Variants in THG1L observed in about 807,000 individuals in gnomAD.
THG1L encodes the protein tRNA-histidine guanylyltransferase 1 like.
In THG1L, 27 loss-of-function variants were observed where a neutral mutation model predicts 35.2. The ratio of observed to expected loss-of-function variants is 0.77; its 90% CI spans 0.57 to 1.06. THG1L has a LOEUF of 1.06. Among genes scored for constraint, THG1L ranks in the 50% least tolerant of loss-of-function variants. The probability of loss-of-function intolerance (pLI) is 0.00; values close to 1 mark genes in which losing one functional copy is unlikely to be tolerated. For synonymous variants in THG1L, 135 were observed against 132.4 expected (o/e 1.02, Z -0.14); for missense variants, 377 against 371.8 (o/e 1.01, Z -0.12).
rs780603396 is a variant in THG1L, at chr5:157,738,034, A to G, written c.735+40A>G. On this transcript the variant is annotated intron_variant, in intron 5 of 5. Transcript: ENST00000231198. ...TTCAAAGAAAAATGGAAGTCAGGAAAAAAGATAGCCTGTGCCCATTCCAAG... is the reference window on the plus strand; with the variant it reads ...TTCAAAGAAAAATGGAAGTCAGGAAGAAAGATAGCCTGTGCCCATTCCAAG... 2.4e-5 allele frequency: 36 copies of G among 1,526,078 alleles called. No homozygotes were observed. In the East Asian group the frequency reaches 8.2e-4, roughly 35 times the overall value. 94.5% of individuals were successfully genotyped at this position (1,526,078 alleles called of 1,614,324 possible).
intron 3 of THG1L, among the ~76,000 whole-genome samples, chr5:157,735,039 G>A (rs1293649990): frequency 2.0e-5 from 3 of 151,878 alleles, no homozygotes; most frequent in African/African-American, 7.3e-5. Context: ...CTGGGTTCAT[G>A]GGATTCTTCT....
At chr5:157,733,919 C>A (rs1760797771) in intron 2 of THG1L, among the ~76,000 whole-genome samples, 1 of 152,092 alleles carries the variant, frequency 6.6e-6, no homozygotes, top group Admixed American at 6.6e-5. Flanking sequence ...CAGCAGTGAG[C>A]TATGATTGTG....
chr5:157,734,667 C>G lies in THG1L; in HGVS notation c.460C>G (p.Pro154Ala), dbSNP rs1213147253. Residue 154 changes from proline to alanine, a missense_variant, in exon 3 of 6, where the codon CCA (proline) becomes GCA (alanine). Physicochemically the swap from Pro to Ala is conservative, Grantham distance 27. Coordinates refer to ENST00000231198, the MANE Select transcript of THG1L (RefSeq NM_017872.5). Reference sequence around the variant, plus strand: ...TGAGGACCAGCCCCTTCTGTATCCCCCAGGCTTTGACGGAAGAGTCGTGGT... The same window carrying G: ...TGAGGACCAGCCCCTTCTGTATCCCGCAGGCTTTGACGGAAGAGTCGTGGT... ...YFEDQPLLYP[P>A]GFDGRVVVYP... is the part of the protein sequence containing the mutation. 6.2e-7 allele frequency: 1 copy of G among 1,614,174 alleles called. No individual in the cohort carries two copies. Among genetic ancestry groups the G allele is most frequent in the East Asian group, 2.2e-5 (1 of 44,874 alleles).
chr5:157,732,569 T>C (rs1760757126), intron 1 of THG1L, among the ~76,000 whole-genome samples: 1 of 152,206 alleles, frequency 6.6e-6, no homozygotes, highest in South Asian at 2.1e-4. Flanking sequence ...AGGAGCTAGG[T>C]ATGATTACTT....
chr5:157,737,501 T>G (rs1478715406), intron 4 of THG1L, among the ~76,000 whole-genome samples: 1 of 151,846 alleles, frequency 6.6e-6, no homozygotes, highest in East Asian at 1.9e-4. Flanking sequence ...AAAGGCATAC[T>G]GGTAGGTATA....
rs1428133640 is a variant in THG1L, at chr5:157,741,153, C to T, written c.*1671C>T. ...CCTGGTAGGTGGAGGTTGCAGTGAG[C>T]TGAAATCATGCCACTGCACTCCAGC... On this transcript the variant is annotated 3_prime_UTR_variant, in exon 6 of 6. Transcript: ENST00000231198. The T allele has an allele frequency of 6.6e-6, 1 of 152,070 alleles. No homozygotes were observed. The highest frequency in any genetic ancestry group is 1.5e-5 in the Non-Finnish European group (1 of 68,052). The allele number at this position is 152,070 out of a possible 1,614,324, so 9.4% of individuals were successfully genotyped here. A position where few individuals can be genotyped will look rare whatever the true frequency, so the allele number is the denominator to read the frequency against.
In THG1L at chr5:157,731,610, T is replaced by C. The variant is rs1200822019; in HGVS notation, c.170T>C (p.Leu57Pro). 9 of 1,597,000 alleles carry C rather than the reference T, an allele frequency of 5.6e-6. No homozygotes were observed. Among genetic ancestry groups the C allele is most frequent in the African/African-American group, 1.3e-5 (1 of 74,178 alleles). ...GCACACTGCTGGGTGGTAGTGCGGC[T>C]GGACGGCCGGAATTTCCATCGGTGA... Reference protein sequence around the residue: ...CLAHCWVVVRLDGRNFHRFAE... With the variant: ...CLAHCWVVVRPDGRNFHRFAE... The change falls in exon 1 of 6, where the codon CTG becomes CCG. Residue 57 changes from leucine (L) to proline (P), a missense_variant. Leu to Pro is a moderately conservative substitution (Grantham distance 98). Transcript: ENST00000231198.
rs145864613 is a variant in THG1L, at chr5:157,735,928, A to G, written c.621A>G (p.Arg207=). 6.6e-4 allele frequency: 1,057 copies of G among 1,593,202 alleles called. 4 individuals are homozygous for G. The highest frequency in any genetic ancestry group is 8.4e-4 in the Non-Finnish European group (981 of 1,168,224). The change falls in exon 4 of 6, where the codon AGA becomes AGG. Residue 207 remains arginine (R), a synonymous_variant. Transcript: ENST00000231198. ...TAACACCAGTACAAGCCCAAGGGAG[A>G]TTACAGGTATAAAGATCTTACTACA... ...SGLTPVQAQG[R]LQGTLAADKN... is the part of the protein sequence containing the mutation.
intron 4 of THG1L, among the ~76,000 whole-genome samples, chr5:157,737,114 C>T (rs1329624930): frequency 6.6e-6 from 1 of 151,454 alleles, no homozygotes; most frequent in East Asian, 2.0e-4. Flanking sequence ...GTTACTAATA[C>T]AATGCCTGGT....
At chr5:157,737,779 C>A in intron 4 of THG1L, 108 bp from the exon 5 acceptor site, 1 of 760,362 alleles carries the variant, frequency 1.3e-6, no homozygotes, top group South Asian at 1.8e-5. Flanking sequence ...TTGATAAAAT[C>A]CTTCCACTTC....
rs766636137 is a variant in THG1L, at chr5:157,732,913, T to C, written c.237T>C (p.Ala79=). ...HNFAKPNDSR[A]LQLMTKCAQT... is the part of the protein sequence containing the mutation. ...TTGCAAAACCCAATGACAGCCGTGCTCTCCAGCTGATGACCAAATGTGCGC... is the reference window on the plus strand; with the variant it reads ...TTGCAAAACCCAATGACAGCCGTGCCCTCCAGCTGATGACCAAATGTGCGC... Residue 79 remains alanine, a synonymous_variant, in exon 2 of 6, where the codon GCT becomes GCC. Transcript: ENST00000231198. The C allele has an allele frequency of 5.0e-6, 8 of 1,614,080 alleles. No homozygotes were observed. Among genetic ancestry groups the C allele is most frequent in the Non-Finnish European group, 5.1e-6 (6 of 1,180,048 alleles).
intron 5 of THG1L, 25 bp from the exon 6 acceptor site, chr5:157,739,296 G>A: frequency 6.2e-7 from 1 of 1,607,690 alleles, no homozygotes; most frequent in Non-Finnish European, 8.5e-7. Flanking sequence ...ACTTAACAAT[G>A]TCACTACTTT....
At position 157,739,363 on chromosome 5, in the gene THG1L, A is replaced by G. The variant is rs769566035; in HGVS notation, c.778A>G (p.Met260Val). ...AAAAGAAATTAAGCTGCCAACAGAA[A>G]TGGAAGGAAAAAAGATGGCAGTGAC... ...MTKEIKLPTE[M>V]EGKKMAVTRT... Residue 260 changes from methionine to valine, a missense_variant, in exon 6 of 6, where the codon ATG becomes GTG. Transcript: ENST00000231198. 13 of 1,613,772 alleles carry G rather than the reference A, an allele frequency of 8.1e-6. 1 individual carries two copies. The South Asian group carries it at 1.4e-4, about 18-fold the overall frequency.
intron 3 of THG1L, among the ~76,000 whole-genome samples, chr5:157,735,156 T>G (rs191045806): frequency 2.0e-5 from 3 of 152,322 alleles, no homozygotes; most frequent in Non-Finnish European, 4.4e-5. Flanking sequence ...CAGGCTGGTC[T>G]TGAACTCCTG....
At position 157,737,869 on chromosome 5, in the gene THG1L, CTA is replaced by C; in HGVS notation, c.628-16_628-15del. 1.3e-6 allele frequency: 2 copies of C among 1,596,406 alleles called. No homozygotes were observed. Among genetic ancestry groups the C allele is most frequent in the East Asian group, 2.2e-5 (1 of 44,652 alleles). The stretch of plus-strand genomic sequence containing the variant: ...AGAAGACATGCAGAGCTTTTAATAT[CTA>C]TTTTTATTTTCTCAGGGAACTCTTG... On this transcript the variant is annotated splice_polypyrimidine_tract_variant and intron_variant, in intron 4 of 5. Transcript: ENST00000231198.
intron 5 of THG1L, among the ~76,000 whole-genome samples, chr5:157,738,912 C>T (rs182933864): frequency 6.6e-5 from 10 of 151,098 alleles, no homozygotes; most frequent in Admixed American, 4.6e-4. Context: ...GCAACCTCCC[C>T]GTCCTGGGTT....
In THG1L at chr5:157,741,316, A is replaced by G. The variant is rs1424754433; in HGVS notation, c.*1834A>G. The G allele has an allele frequency of 2.0e-5, 3 of 152,258 alleles. No homozygotes were observed. The highest frequency in any genetic ancestry group is 2.1e-4 in the South Asian group (1 of 4,820). 9.4% of individuals were successfully genotyped at this position (152,258 alleles called of 1,614,324 possible). A position where few individuals can be genotyped will look rare whatever the true frequency, so the allele number is the denominator to read the frequency against. Reference sequence around the variant, plus strand: ...AGGGTGATGGCTGGCCTCATCCCTCACTAATTGACAACCCATCTGTCGATG... The same window carrying G: ...AGGGTGATGGCTGGCCTCATCCCTCGCTAATTGACAACCCATCTGTCGATG... On this transcript the variant is annotated 3_prime_UTR_variant, in exon 6 of 6. Coordinates refer to ENST00000231198, the MANE Select transcript of THG1L (RefSeq NM_017872.5).
In THG1L at chr5:157,732,875, G is replaced by A; in HGVS notation, c.199G>A (p.Glu67Lys). Residue 67 changes from glutamate to lysine, a missense_variant, in exon 2 of 6, where the codon GAG (glutamate) becomes AAG (lysine). By Grantham distance (56) the Glu-to-Lys change is moderately conservative. Coordinates refer to ENST00000231198, the MANE Select transcript of THG1L (RefSeq NM_017872.5). Reference protein sequence around the residue: ...LDGRNFHRFAEKHNFAKPNDS... With the variant: ...LDGRNFHRFAKKHNFAKPNDS... ...CCTTTTTCCCCTGTGAAGGTTTGCT[G>A]AGAAGCACAACTTTGCAAAACCCAA... 6.2e-7 allele frequency: 1 copy of A among 1,614,158 alleles called. No homozygotes were observed. The highest frequency in any genetic ancestry group is 8.5e-7 in the Non-Finnish European group (1 of 1,180,024).
In THG1L at chr5:157,735,886, T is replaced by G; in HGVS notation, c.579T>G (p.Leu193=). ...NNLYNTVFWA[L]IQQSGLTPVQ... ...TTTATAATACAGTTTTCTGGGCACT[T>G]ATACAACAATCTGGACTAACACCAG... Residue 193 remains leucine (L), a synonymous_variant, in exon 4 of 6, where the codon CTT becomes CTG. Transcript: ENST00000231198. 6.2e-7 allele frequency: 1 copy of G among 1,607,368 alleles called. No homozygotes were observed. The highest frequency in any genetic ancestry group is 8.5e-7 in the Non-Finnish European group (1 of 1,177,954).
Sources: allele counts gnomAD v4.1 joint callset (sites outside exome capture counted in the v4.1 genomes callset), GRCh38; gene constraint gnomAD v4.1.1; transcripts MANE v1.5; gene names NCBI Gene and HGNC (gene_info 2026-07-23, HGNC 2026-07-21).